Variants in THSD4 observed in about 807,000 individuals in gnomAD.
THSD4 encodes thrombospondin type-1 domain-containing protein 4.
In THSD4, 69 loss-of-function variants were observed where a neutral mutation model predicts 119.0. That is an observed-to-expected ratio of 0.58 (90% CI 0.48 to 0.71). The LOEUF is 0.71. THSD4 is among the 30% of genes least tolerant of loss of function. The probability of loss-of-function intolerance (pLI) is 0.00; values close to 1 mark genes in which losing one functional copy is unlikely to be tolerated. For synonymous variants in THSD4, 524 were observed against 540.4 expected (o/e 0.97, Z 0.42); for missense variants, 1,393 against 1,391.1 (o/e 1.00, Z -0.02).
At chr15:71,676,234 G>A (rs1489751859) in intron 8 of THSD4, among the ~76,000 whole-genome samples, 1 of 152,136 alleles carries the variant, frequency 6.6e-6, no homozygotes, top group Non-Finnish European at 1.5e-5. Context: ...GATGTTAAGT[G>A]TATAATTCAG....
At chr15:71,529,845 G>T (rs182261236) in intron 7 of THSD4, among the ~76,000 whole-genome samples, 102 of 152,260 alleles carry the variant, frequency 6.7e-4, no homozygotes, top group African/African-American at 2.4e-3. Flanking sequence ...GGGGATCATA[G>T]CTACCTCCCA....
At position 71,152,267 on chromosome 15, in the gene THSD4, A is replaced by G. The variant is rs539331203; in HGVS notation, c.30-2596A>G. ...GTGAAACCCCATCTCCACTAAAAAT[A>G]TAAAAATTAGCCAGGCATGGTAGTG... On this transcript the variant is annotated intron_variant, in intron 2 of 17. Transcript: ENST00000261862. Among the ~76,000 whole-genome samples, 62 of 152,122 alleles carry G rather than the reference A, an allele frequency of 4.1e-4. No individual in the cohort carries two copies. In the Middle Eastern group the frequency reaches 0.02, roughly 50 times the overall value.
intron 6 of THSD4, among the ~76,000 whole-genome samples, chr15:71,406,762 C>T (rs2046615031): frequency 6.6e-6 from 1 of 151,818 alleles, no homozygotes; most frequent in Non-Finnish European, 1.5e-5. Context: ...TCACTGCAAC[C>T]TCCGCCTCCC....
At chr15:71,338,148 T>A (rs965303644) in intron 6 of THSD4, among the ~76,000 whole-genome samples, 1 of 152,192 alleles carries the variant, frequency 6.6e-6, no homozygotes, top group Non-Finnish European at 1.5e-5. Context: ...CACTGAAGAA[T>A]CAGAAGTTTG....
In THSD4 at chr15:71,537,983, C is replaced by A. The variant is rs923167387; in HGVS notation, c.1153-122547C>A. Among the ~76,000 whole-genome samples the A allele has an allele frequency of 2.0e-5, 3 of 152,054 alleles. No individual in the cohort carries two copies. In the South Asian group the frequency reaches 6.2e-4, roughly 32 times the overall value. ...TCACCATGTTCAGGCTGGTCTTGAACTCCTGACCTCAACTGATCCACCTAC... is the reference window on the plus strand; with the variant it reads ...TCACCATGTTCAGGCTGGTCTTGAAATCCTGACCTCAACTGATCCACCTAC... On this transcript the variant is annotated intron_variant, in intron 7 of 17. Coordinates refer to ENST00000261862, the MANE Select transcript of THSD4 (RefSeq NM_024817.3).
chr15:71,306,728 T>C (rs981411336), intron 6 of THSD4, among the ~76,000 whole-genome samples: 1 of 152,198 alleles, frequency 6.6e-6, no homozygotes, highest in African/African-American at 2.4e-5. Flanking sequence ...CAATGCATAG[T>C]GCAGAGTATC....
intron 7 of THSD4, among the ~76,000 whole-genome samples, chr15:71,605,516 A>G (rs2050092326): frequency 6.6e-6 from 1 of 152,226 alleles, no homozygotes; most frequent in South Asian, 2.1e-4. Flanking sequence ...GAACAAACCC[A>G]AGTGAGGGGG....
chr15:71,289,634 T>C (rs932779897), intron 6 of THSD4, among the ~76,000 whole-genome samples: 4 of 152,152 alleles, frequency 2.6e-5, no homozygotes, highest in Admixed American at 1.3e-4. Flanking sequence ...TGTAATTCGA[T>C]TATTATAATT....
At position 71,771,123 on chromosome 15, in the gene THSD4, CATGACT is replaced by C. The variant is rs577772364; in HGVS notation, c.2830_2835del (p.Met944_Thr945del). 2.3e-3 allele frequency: 3,785 copies of C among 1,614,184 alleles called. 10 individuals carry two copies. Among genetic ancestry groups the C allele is most frequent in the Non-Finnish European group, 2.8e-3 (3,318 of 1,180,028 alleles). On this transcript the variant is annotated inframe_deletion, in exon 17 of 18. Coordinates refer to ENST00000261862, the MANE Select transcript of THSD4 (RefSeq NM_024817.3). ...GGGAAGTGCGGTGTCTGTCTGATGA[CATGACT>C]CTAAGTAACCTCTGTGACCCTCAGT...
chr15:71,385,485 C>T (rs974821431), intron 6 of THSD4, among the ~76,000 whole-genome samples: 1 of 152,122 alleles, frequency 6.6e-6, no homozygotes, highest in African/African-American at 2.4e-5. Flanking sequence ...TTGGGGCTGC[C>T]ACATGACTGG....
intron 3 of THSD4, among the ~76,000 whole-genome samples, chr15:71,155,694 C>T (rs1443549398): frequency 1.3e-5 from 2 of 152,100 alleles, no homozygotes; most frequent in Non-Finnish European, 2.9e-5. Context: ...AGGTCAAGGG[C>T]AGGGATAGAG....
At chr15:71,275,131 T>G (rs141616333) in intron 6 of THSD4, among the ~76,000 whole-genome samples, 13 of 152,144 alleles carry the variant, frequency 8.5e-5, no homozygotes, top group African/African-American at 3.1e-4. Flanking sequence ...GGTAGGATGG[T>G]CTGCCCTGGG....
rs149369261 is a variant in THSD4, at chr15:71,202,575, T to A, written c.100-12460T>A. 6.6e-5 allele frequency among the ~76,000 whole-genome samples: 10 copies of A among 152,376 alleles called. No homozygotes were observed. The East Asian group carries it at 1.9e-3, about 29-fold the overall frequency. Reference sequence around the variant, plus strand: ...TAAACATTCCTCAGAATGTGACATCTGTTCCCAAAAGATAACTGGTTGTTC... The same window carrying A: ...TAAACATTCCTCAGAATGTGACATCAGTTCCCAAAAGATAACTGGTTGTTC... On this transcript the variant is annotated intron_variant, in intron 3 of 17. Coordinates refer to ENST00000261862, the MANE Select transcript of THSD4 (RefSeq NM_024817.3).
At chr15:71,252,941 A>C (rs2044276300) in intron 5 of THSD4, among the ~76,000 whole-genome samples, 1 of 152,156 alleles carries the variant, frequency 6.6e-6, no homozygotes, top group South Asian at 2.1e-4. Flanking sequence ...ATGCTGCCTC[A>C]ATAACCCACT....
intron 4 of THSD4, among the ~76,000 whole-genome samples, chr15:71,229,471 T>C (rs1412185747): frequency 6.6e-6 from 1 of 152,248 alleles, no homozygotes; most frequent in East Asian, 1.9e-4. Flanking sequence ...CACATCTTCC[T>C]ATACTTTAAA....
At chr15:71,206,642 C>T (rs926345903) in intron 3 of THSD4, among the ~76,000 whole-genome samples, 1 of 152,146 alleles carries the variant, frequency 6.6e-6, no homozygotes, top group Non-Finnish European at 1.5e-5. Context: ...CCAGTGAAAC[C>T]TTACATGATT....
At chr15:71,657,204 T>C (rs1162355412) in intron 7 of THSD4, among the ~76,000 whole-genome samples, 1 of 152,208 alleles carries the variant, frequency 6.6e-6, no homozygotes, top group Admixed American at 6.6e-5. Context: ...AGGACCTGTG[T>C]CTGATTCAGC....
intron 8 of THSD4, among the ~76,000 whole-genome samples, chr15:71,687,040 C>T (rs905009840): frequency 6.6e-6 from 1 of 152,142 alleles, no homozygotes; most frequent in Non-Finnish European, 1.5e-5. Context: ...AGGCAATGGA[C>T]AGTCACATAT....
rs112175598 is a variant in THSD4, at chr15:71,638,028, A to C, written c.1153-22502A>C. 2.4e-3 allele frequency among the ~76,000 whole-genome samples: 371 copies of C among 152,280 alleles called. 3 individuals carry two copies. Among genetic ancestry groups the C allele is most frequent in the African/African-American group, 8.2e-3 (341 of 41,546 alleles). On this transcript the variant is annotated intron_variant, in intron 7 of 17. Coordinates refer to ENST00000261862, the MANE Select transcript of THSD4 (RefSeq NM_024817.3). ...AGGTGTGAGCCGCTGTGCCCAGCCA[A>C]GAGTATATTTTAATACCACTGAACT...
Sources: gnomAD v4.1 joint callset for allele counts (sites outside exome capture counted in the v4.1 genomes callset) on GRCh38, gnomAD v4.1.1 for gene constraint, MANE v1.5 for transcripts, NCBI Gene and HGNC (gene_info 2026-07-23, HGNC 2026-07-21) for gene names.